The following PLCG2 variants were observed in gnomAD, a reference collection of about 807,000 sequenced individuals.
The protein encoded by PLCG2 is 1-phosphatidylinositol 4,5-bisphosphate phosphodiesterase gamma-2.
In PLCG2, 69 loss-of-function variants were observed where a neutral mutation model predicts 175.6. The ratio of observed to expected loss-of-function variants is 0.39; its 90% CI spans 0.32 to 0.48. PLCG2 has a LOEUF of 0.48. PLCG2 is among the 20% of genes least tolerant of loss of function. The pLI, the probability that PLCG2 is intolerant of heterozygous loss-of-function variation, is 0.91. For missense variants in PLCG2, 1,798 were observed against 1,650.9 expected (o/e 1.09, Z -1.54); for synonymous variants, 827 against 624.0 (o/e 1.33, Z -4.85).
intron 31 of PLCG2, among the ~76,000 whole-genome samples, chr16:81,948,946 A>G (rs1249285254): frequency 1.3e-5 from 2 of 152,242 alleles, no homozygotes; most frequent in African/African-American, 2.4e-5. Context: ...ACTGTAACAC[A>G]TAACTCATAG....
At chr16:81,788,131 G>C (rs555407542) in intron 2 of PLCG2, among the ~76,000 whole-genome samples, 15 of 152,238 alleles carry the variant, frequency 9.9e-5, no homozygotes, top group African/African-American at 3.6e-4. Context: ...CATCATTTTA[G>C]GAACTGTCAG....
chr16:81,751,838 A>G (rs1259453638), intron 1 of PLCG2, among the ~76,000 whole-genome samples: 1 of 152,070 alleles, frequency 6.6e-6, no homozygotes, highest in Non-Finnish European at 1.5e-5. Flanking sequence ...CCTGGCCACC[A>G]TGGTGAAATC....
intron 2 of PLCG2, among the ~76,000 whole-genome samples, chr16:81,834,456 C>T (rs1009212221): frequency 1.3e-5 from 2 of 152,168 alleles, no homozygotes; most frequent in South Asian, 2.1e-4. Context: ...GCTTGCCCAA[C>T]CTGCCTGAGC....
chr16:81,773,034 G>A (rs918175359), intron 2 of PLCG2, among the ~76,000 whole-genome samples: 1 of 152,226 alleles, frequency 6.6e-6, no homozygotes, highest in Non-Finnish European at 1.5e-5. Context: ...CTCTCATGAT[G>A]TGGGGGAAGC....
At chr16:81,831,386 A>G (rs1180774240) in intron 2 of PLCG2, among the ~76,000 whole-genome samples, 3 of 152,228 alleles carry the variant, frequency 2.0e-5, no homozygotes, top group African/African-American at 4.8e-5. Context: ...TGTGGATAAT[A>G]GCAGCAAACA....
chr16:81,888,938 C>T (rs569827876), intron 9 of PLCG2, among the ~76,000 whole-genome samples: 6 of 152,044 alleles, frequency 3.9e-5, no homozygotes, highest in African/African-American at 7.2e-5. Flanking sequence ...CGACAGACAC[C>T]GTATGGCTCA....
At chr16:81,848,616 C>T (rs1906243771) in intron 2 of PLCG2, among the ~76,000 whole-genome samples, 1 of 152,196 alleles carries the variant, frequency 6.6e-6, no homozygotes, top group African/African-American at 2.4e-5. Context: ...TTCTTCCTCT[C>T]TGTCCCCTGC....
chr16:81,754,700 G>A (rs1476298406), intron 1 of PLCG2, among the ~76,000 whole-genome samples: 2 of 151,360 alleles, frequency 1.3e-5, no homozygotes, highest in African/African-American at 4.9e-5. Flanking sequence ...TGTCTCCCTA[G>A]CAATGTCAAA....
chr16:81,757,268 A>T (rs1250862164), intron 2 of PLCG2, among the ~76,000 whole-genome samples: 6 of 151,932 alleles, frequency 3.9e-5, no homozygotes, highest in Non-Finnish European at 7.4e-5. Context: ...CTGGGCTCCA[A>T]TTTTCTGCTA....
intron 2 of PLCG2, among the ~76,000 whole-genome samples, chr16:81,851,767 C>T (rs1238294724): frequency 6.6e-6 from 1 of 152,238 alleles, no homozygotes; most frequent in Non-Finnish European, 1.5e-5. Context: ...CCCGCCTTGG[C>T]CTCCCAAAGT....
chr16:81,882,911 A>G (rs1228214735), intron 8 of PLCG2, among the ~76,000 whole-genome samples: 2 of 141,908 alleles, frequency 1.4e-5, no homozygotes, highest in African/African-American at 5.2e-5. Context: ...CTCCCTTCCC[A>G]CCCTCATCTC....
At chr16:81,951,006 G>C (rs1158081723) in intron 31 of PLCG2, among the ~76,000 whole-genome samples, 1 of 151,566 alleles carries the variant, frequency 6.6e-6, no homozygotes, top group East Asian at 1.9e-4. Context: ...ATTTTGTTTT[G>C]AGACAGTGTT....
intron 31 of PLCG2, among the ~76,000 whole-genome samples, chr16:81,952,498 G>A (rs1567548129): frequency 1.3e-5 from 2 of 152,222 alleles, no homozygotes; most frequent in South Asian, 4.1e-4. Flanking sequence ...AGGACCTGGA[G>A]CATCTTAACA....
At chr16:81,819,654 G>T (rs1263670111) in intron 2 of PLCG2, among the ~76,000 whole-genome samples, 2 of 152,098 alleles carry the variant, frequency 1.3e-5, no homozygotes, top group African/African-American at 4.8e-5. Flanking sequence ...GCGCTATCTC[G>T]GCTCACTGCA....
intron 2 of PLCG2, among the ~76,000 whole-genome samples, chr16:81,847,902 A>C (rs1440392742): frequency 1.3e-5 from 2 of 152,206 alleles, no homozygotes; most frequent in African/African-American, 4.8e-5. Flanking sequence ...AAGATCCTGG[A>C]ACCGATCCCC....
chr16:81,823,952 C>T (rs1025725600), intron 2 of PLCG2, among the ~76,000 whole-genome samples: 1 of 145,402 alleles, frequency 6.9e-6, no homozygotes, highest in African/African-American at 2.6e-5. Context: ...TCCTCCTTTC[C>T]CTTTCCCTTT....
intron 1 of PLCG2, among the ~76,000 whole-genome samples, chr16:81,755,258 G>A (rs1398584629): frequency 1.3e-5 from 2 of 151,920 alleles, no homozygotes; most frequent in Non-Finnish European, 1.5e-5. Context: ...GTACGGTGCC[G>A]TCATCGTGGC....
At chr16:81,783,441 C>T (rs113601134) in intron 1 of PLCG2, among the ~76,000 whole-genome samples, 1 of 152,148 alleles carries the variant, frequency 6.6e-6, no homozygotes, top group Non-Finnish European at 1.5e-5. Flanking sequence ...TGTGTGACCT[C>T]GGATAAGTCC....
chr16:81,924,560 C>T (rs76922088), intron 22 of PLCG2, among the ~76,000 whole-genome samples: 7,585 of 152,292 alleles, frequency 0.05, 456 homozygotes, highest in African/African-American at 0.15. Flanking sequence ...TTTGAACCGC[C>T]AGGCCTTTTG....
Sources: allele counts gnomAD v4.1 joint callset (sites outside exome capture counted in the v4.1 genomes callset), GRCh38; gene constraint gnomAD v4.1.1; transcripts MANE v1.5; gene names NCBI Gene and HGNC (gene_info 2026-07-23, HGNC 2026-07-21).